Variants in GNAS observed in about 807,000 individuals in gnomAD.
GNAS encodes protein ALEX.
Under a neutral mutation model 54.5 loss-of-function variants are expected in GNAS, and 8 were observed. That is an observed-to-expected ratio of 0.15 (90% CI 0.09 to 0.26). The LOEUF is 0.26. Among genes scored for constraint, GNAS ranks in the 10% least tolerant of loss-of-function variants. The probability of loss-of-function intolerance (pLI) is 1.00; values close to 1 mark genes in which losing one functional copy is unlikely to be tolerated. For missense variants in GNAS, 170 were observed against 529.8 expected, an observed-to-expected ratio of 0.32 and a Z score of 6.67; for synonymous variants, 204 against 191.4, an observed-to-expected ratio of 1.07 and a Z score of -0.54.
At chr20:58,902,841 C>T (rs1200338222) in intron 3 of GNAS, 2 of 147,392 alleles carry the variant, frequency 1.4e-5, no homozygotes, top group East Asian at 2.2e-4. Flanking sequence ...AAGCAATTCT[C>T]CTGCCTCAGC....
intron 1 of GNAS, chr20:58,855,441 C>A (rs1420744743): frequency 3.0e-6 from 3 of 1,002,446 alleles, no homozygotes; most frequent in Non-Finnish European, 4.6e-6. Context: ...AGGAGGGGGT[C>A]CAGCCAAAGG....
At position 58,841,002 on chromosome 20, in the gene GNAS, C is replaced by A; in HGVS notation, c.43+116C>A. On this transcript the variant is annotated intron_variant, in intron 1 of 12. Transcript: ENST00000306090. This position sits in a 1 kb window ranked among gnomAD's most constrained non-coding sequence, Gnocchi z 5.0. The stretch of plus-strand genomic sequence containing the variant: ...GCGAGTGGGAAGAGAGGAGGCTCAG[C>A]TGGTCAGCCTGGGATCGGGGGTCAG... 1.7e-6 allele frequency: 2 copies of A among 1,156,850 alleles called. No homozygotes were observed. The highest frequency in any genetic ancestry group is 2.5e-6 in the Non-Finnish European group (2 of 802,150). The allele number at this position is 1,156,850 out of a possible 1,614,324, so 71.7% of individuals were successfully genotyped here. A position where few individuals can be genotyped will look rare whatever the true frequency, so the allele number is the denominator to read the frequency against.
intron 1 of GNAS, among the ~76,000 whole-genome samples, chr20:58,870,038 G>A (rs1267402580): frequency 6.6e-6 from 1 of 152,154 alleles, no homozygotes; most frequent in East Asian, 1.9e-4. Context: ...TTTGAGAAGG[G>A]CCACACAGGC....
chr20:58,848,850 C>G (rs2145522988), intron 1 of GNAS: 1 of 398,604 alleles, frequency 2.5e-6, no homozygotes, highest in East Asian at 3.6e-5. Context: ...GACCCCATTA[C>G]TGATGTTTCA....
At chr20:58,877,167 T>TA (rs1213658327) in intron 1 of GNAS, among the ~76,000 whole-genome samples, 3 of 151,594 alleles carry the variant, frequency 2.0e-5, no homozygotes, top group Non-Finnish European at 2.9e-5. Flanking sequence ...TTCCGGTTTT[T>TA]ACAGAGGAGG....
intron 1 of GNAS, among the ~76,000 whole-genome samples, chr20:58,862,726 G>A (rs984167114): frequency 3.3e-5 from 5 of 151,690 alleles, no homozygotes; most frequent in Non-Finnish European, 7.4e-5. Context: ...TCAAGCAGTA[G>A]ACGAATGCCA....
At chr20:58,901,621 T>C (rs947612308) in intron 3 of GNAS, among the ~76,000 whole-genome samples, 3 of 140,534 alleles carry the variant, frequency 2.1e-5, no homozygotes, top group Non-Finnish European at 4.6e-5. Context: ...TCCCCAGCTC[T>C]TCACCCAATG....
chr20:58,858,368 CAAAGAG>C (rs1393143513), intron 1 of GNAS, among the ~76,000 whole-genome samples: 2 of 151,222 alleles, frequency 1.3e-5, no homozygotes, highest in Non-Finnish European at 2.9e-5. Context: ...CCTAAGAAAT[CAAAGAG>C]AGAGAGAGAG....
At chr20:58,883,479 A>C (rs2088384281) in intron 1 of GNAS, among the ~76,000 whole-genome samples, 3 of 152,126 alleles carry the variant, frequency 2.0e-5, no homozygotes, top group Non-Finnish European at 4.4e-5. Context: ...AGCTCATAAA[A>C]AATCTCCTTT....
At chr20:58,882,114 G>C (rs2088262651) in intron 1 of GNAS, among the ~76,000 whole-genome samples, 1 of 152,220 alleles carries the variant, frequency 6.6e-6, no homozygotes, top group Admixed American at 6.5e-5. Flanking sequence ...TGTCGCCCAG[G>C]CTGGAGTGCA....
chr20:58,889,397 C>A (rs1415157630), upstream of GNAS: 1 of 983,148 alleles, frequency 1.0e-6, no homozygotes, highest in African/African-American at 1.8e-5. Context: ...GTGCGAGTCG[C>A]CCGGCGCAGG....
At chr20:58,861,863 G>A (rs974542491) in intron 1 of GNAS, among the ~76,000 whole-genome samples, 5 of 151,646 alleles carry the variant, frequency 3.3e-5, no homozygotes, top group African/African-American at 7.3e-5. Flanking sequence ...GCACTACCAC[G>A]CCCCACTAAT....
Position 58,853,886 on chromosome 20 carries a change from T to C in GNAS, c.43+13000T>C. 6.3e-7 allele frequency: 1 copy of C among 1,599,104 alleles called. No individual in the cohort carries two copies. Among genetic ancestry groups the C allele is most frequent in the Non-Finnish European group, 8.5e-7 (1 of 1,173,338 alleles). On this transcript the variant is annotated intron_variant, in intron 1 of 12. Transcript: ENST00000306090. This position sits in a 1 kb window ranked among gnomAD's most constrained non-coding sequence, Gnocchi z 4.4. The stretch of plus-strand genomic sequence containing the variant: ...CCGAGGAGCCCCAAGCCCTCAGGCC[T>C]GCAAAGGCTGGCTCCAGAGGAGGCT...
At chr20:58,872,507 C>T (rs1035943990) in intron 1 of GNAS, among the ~76,000 whole-genome samples, 3 of 152,156 alleles carry the variant, frequency 2.0e-5, no homozygotes, top group East Asian at 1.9e-4. Flanking sequence ...AATTGGGTTC[C>T]AGCCAGACCC....
intron 3 of GNAS, chr20:58,899,578 A>G: frequency 1.8e-6 from 1 of 548,448 alleles, no homozygotes; most frequent in East Asian, 4.1e-5. Flanking sequence ...AAGGAAATTC[A>G]TGATGGCATC....
intron 1 of GNAS, among the ~76,000 whole-genome samples, chr20:58,851,909 C>A (rs1600697530): frequency 6.6e-6 from 1 of 152,342 alleles, no homozygotes; most frequent in East Asian, 1.9e-4. Context: ...CAGCGCACCT[C>A]AGCTCCGGTT....
At chr20:58,902,906 G>T (rs1478864033) in intron 3 of GNAS, 7 of 163,972 alleles carry the variant, frequency 4.3e-5, no homozygotes, top group East Asian at 1.6e-4. Context: ...TAGTTTTTTT[G>T]TGTGTTTTTA....
intron 1 of GNAS, 133 bp downstream of exon 1, chr20:58,891,998 T>A: frequency 1.3e-6 from 1 of 747,422 alleles, no homozygotes; most frequent in Non-Finnish European, 1.6e-6. Context: ...GGGCTCTGTC[T>A]GTGGGGGGCG....
chr20:58,907,280 G>A (rs538585821), intron 6 of GNAS, among the ~76,000 whole-genome samples: 188 of 152,256 alleles, frequency 1.2e-3, no homozygotes, highest in African/African-American at 4.4e-3. Context: ...ACAAGCAAAT[G>A]TGTATATTTT....
Sources: gnomAD v4.1 joint callset for allele counts (sites outside exome capture counted in the v4.1 genomes callset) on GRCh38, gnomAD v4.1.1 for gene constraint, Gnocchi (gnomAD v3.1) non-coding constraint, MANE v1.5 for transcripts, NCBI Gene and HGNC (gene_info 2026-07-23, HGNC 2026-07-21) for gene names.